IGSF22: variants seen among roughly 807,000 people sequenced by gnomAD.
IGSF22 encodes immunoglobulin superfamily member 22.
In IGSF22, 119 loss-of-function variants were observed where a neutral mutation model predicts 127.0. The ratio of observed to expected loss-of-function variants is 0.94; its 90% CI spans 0.81 to 1.09. The LOEUF is 1.09. Ranked by LOEUF, IGSF22 falls within the 50% of genes least tolerant of loss-of-function variation. The pLI is 0.00. For missense variants in IGSF22, 1,518 were observed against 1,716.6 expected, an observed-to-expected ratio of 0.88 and a Z score of 2.04; for synonymous variants, 568 against 664.7, an observed-to-expected ratio of 0.85 and a Z score of 2.24.
Position 18,709,253 on chromosome 11 carries a change from C to T in IGSF22, c.2998+134G>A, listed in dbSNP as rs1848304882. The T allele has an allele frequency of 2.2e-6, 2 of 913,622 alleles. No homozygotes were observed. Among genetic ancestry groups the T allele is most frequent in the Admixed American group, 5.2e-5 (2 of 38,554 alleles). 56.6% of individuals were successfully genotyped at this position (913,622 alleles called of 1,614,324 possible). A position where few individuals can be genotyped will look rare whatever the true frequency, so the allele number is the denominator to read the frequency against. On this transcript the variant is annotated intron_variant, in intron 18 of 22. Coordinates refer to ENST00000513874, the MANE Select transcript of IGSF22 (RefSeq NM_173588.4). The surrounding 1 kb of genome is among the most constrained non-coding windows in gnomAD (Gnocchi z 4.8). ...CCCCTGAAGTTACCCCTAACTTTGT[C>T]CAGGCACAACAACTATGGATGACTT...
In IGSF22 at chr11:18,706,717, C is replaced by T. The variant is rs947910973; in HGVS notation, c.3580+197G>A. 8 of 523,946 alleles carry T rather than the reference C, an allele frequency of 1.5e-5. No individual in the cohort carries two copies. In the South Asian group the frequency reaches 2.0e-4, roughly 13 times the overall value. 32.5% of individuals were successfully genotyped at this position (523,946 alleles called of 1,614,324 possible). A position where few individuals can be genotyped will look rare whatever the true frequency, so the allele number is the denominator to read the frequency against. ...CTCTGCCCCCAAAGGTACCTCCCCA[C>T]CTCCACTTTAGTCTCACCCCTAAGT... On this transcript the variant is annotated intron_variant, in intron 21 of 22. Transcript: ENST00000513874.
rs1848477364 is a variant in IGSF22, at chr11:18,717,087, C to T, written c.974-87G>A. ...AAGAGGGCACTCACATGTCACTGGC[C>T]TCCTGTAGCCCATGGCTGGGGGAAA... On this transcript the variant is annotated intron_variant, in intron 9 of 22. Coordinates refer to ENST00000513874, the MANE Select transcript of IGSF22 (RefSeq NM_173588.4). 2.1e-6 allele frequency: 3 copies of T among 1,442,396 alleles called. 1 individual carries two copies. The Admixed American group carries it at 5.9e-5, about 29-fold the overall frequency. 89.3% of individuals were successfully genotyped at this position (1,442,396 alleles called of 1,614,324 possible).
intron 15 of IGSF22, 127 bp downstream of exon 15, chr11:18,711,955 G>T (rs1198129785): frequency 1.3e-6 from 1 of 793,722 alleles, no homozygotes; most frequent in Non-Finnish European, 2.0e-6. Context: ...TCTGGAATCG[G>T]TCTGTCTCAT....
intron 15 of IGSF22, among the ~76,000 whole-genome samples, chr11:18,711,572 A>G (rs1489551907): frequency 2.0e-5 from 3 of 151,902 alleles, no homozygotes; most frequent in African/African-American, 7.3e-5. Flanking sequence ...TAATTTTTGT[A>G]TTTTTAGTAG....
chr11:18,718,685 A>T lies in IGSF22; in HGVS notation c.740T>A (p.Val247Asp). The change falls in exon 8 of 23, where the codon GTT (valine) becomes GAT (aspartate). Residue 247 changes from valine (V) to aspartate (D), a missense_variant. Val to Asp is a radical substitution (Grantham distance 152). Transcript: ENST00000513874. ...GCAGTCAAAGACCACTGTGGTGTCA[A>T]CCTTGGTCTCTTTGTCTTCCAGGGG... is the stretch of plus-strand genomic sequence containing the variant. Reference protein sequence around the residue: ...LKPLEDKETKVDTTVVFDCIM... With the variant: ...LKPLEDKETKDDTTVVFDCIM... 1 of 1,613,604 alleles carries T rather than the reference A, an allele frequency of 6.2e-7. No homozygotes were observed. The highest frequency in any genetic ancestry group is 8.5e-7 in the Non-Finnish European group (1 of 1,179,552).
In IGSF22 at chr11:18,709,486, C is replaced by T. The variant is rs199889685; in HGVS notation, c.2899G>A (p.Glu967Lys). The stretch of plus-strand genomic sequence containing the variant: ...ATTCGGAAGAAGTATTTCTGCCTCT[C>T]GATGAGTCCTCCCACTGTGTAGCAG... ...GTCYTVGGLI[E>K]RQKYFFRIRA... is the part of the protein sequence containing the mutation. Residue 967 changes from glutamate to lysine, a missense_variant, in exon 18 of 23, where the codon GAG (glutamate) becomes AAG (lysine). Coordinates refer to ENST00000513874, the MANE Select transcript of IGSF22 (RefSeq NM_173588.4). The surrounding 1 kb of genome is among the most constrained non-coding windows in gnomAD (Gnocchi z 4.8). The T allele has an allele frequency of 9.2e-5, 148 of 1,614,210 alleles. 1 individual carries two copies. The Middle Eastern group carries it at 4.5e-3, about 49-fold the overall frequency.
rs1351937843 is a variant in IGSF22, at chr11:18,716,924, G to A, written c.1050C>T (p.Arg350=). 1.9e-6 allele frequency: 3 copies of A among 1,614,030 alleles called. No homozygotes were observed. The African/African-American group carries it at 4.0e-5, about 22-fold the overall frequency. Reference sequence around the variant, plus strand: ...CAAAGTTGGGCTCTTTCTTGGAGAGGCGGATCTCAAACACAGCTGTCTGGC... The same window carrying A: ...CAAAGTTGGGCTCTTTCTTGGAGAGACGGATCTCAAACACAGCTGTCTGGC... ...TERQTAVFEI[R]LSKKEPNFVW... The change falls in exon 10 of 23, where the codon CGC becomes CGT. Residue 350 remains arginine (R), a synonymous_variant. Transcript: ENST00000513874. The surrounding 1 kb of genome is among the most constrained non-coding windows in gnomAD (Gnocchi z 4.5).
chr11:18,704,480 C>G lies in IGSF22; in HGVS notation c.3969G>C (p.Lys1323Asn), dbSNP rs1848183402. 5.2e-6 allele frequency: 8 copies of G among 1,550,292 alleles called. No homozygotes were observed. Among genetic ancestry groups the G allele is most frequent in the Non-Finnish European group, 6.1e-6 (7 of 1,146,052 alleles). Residue 1323 changes from lysine to asparagine, a missense_variant, in exon 23 of 23, where the codon AAG (lysine) becomes AAC (asparagine). This residue lies in a region of IGSF22 where 58 missense variants were observed against 53.0 expected (regional missense o/e 1.10). Coordinates refer to ENST00000513874, the MANE Select transcript of IGSF22 (RefSeq NM_173588.4). ...GCTTGGCTGGAGCTCACATGAGGTG[C>G]TTTGATTTCTTCTGCAGACTCTCGG... ...SITESLQKKS[K>N]HLM
chr11:18,719,673 C>T (rs1217636655), intron 7 of IGSF22, 43 bp downstream of exon 7: 2 of 1,593,904 alleles, frequency 1.3e-6, no homozygotes, highest in Non-Finnish European at 1.7e-6. Flanking sequence ...GGGTGAAGCC[C>T]TGCCCCTAGC....
At chr11:18,711,977 A>G (rs1332207787) in intron 15 of IGSF22, 105 bp downstream of exon 15, 7 of 953,004 alleles carry the variant, frequency 7.3e-6, no homozygotes, top group East Asian at 5.3e-5. Context: ...AGACAGCCAG[A>G]GAGATGTTCC....
intron 22 of IGSF22, chr11:18,705,385 T>C (rs967009103): frequency 1.1e-5 from 2 of 176,020 alleles, no homozygotes; most frequent in Admixed American, 5.6e-5. Context: ...GCTCCTTCCC[T>C]TGTTTGTGCC....
intron 1 of IGSF22, among the ~76,000 whole-genome samples, chr11:18,725,028 A>G (rs1382738362): frequency 6.6e-6 from 1 of 151,962 alleles, no homozygotes; most frequent in Admixed American, 6.6e-5. Context: ...TTAAAAAAGC[A>G]CATAAGGTAG....
Position 18,706,077 on chromosome 11 carries a change from GT to G in IGSF22, c.3649del (p.Thr1217ArgfsTer16). The G allele has an allele frequency of 6.5e-7, 1 of 1,550,000 alleles. No individual in the cohort carries two copies. Among genetic ancestry groups the G allele is most frequent in the Non-Finnish European group, 8.7e-7 (1 of 1,146,906 alleles). On this transcript the variant is annotated frameshift_variant, in exon 22 of 23. Coordinates refer to ENST00000513874, the MANE Select transcript of IGSF22 (RefSeq NM_173588.4). LOFTEE classifies it high-confidence loss of function. ...KDWRHAPRFV[T>X]PLKPHTVLRG... ...GAGCACCGTGTGTGGCTTGAGGGGCGTCACGAAGCGCGGCGCGTGGCGCCAG... is the reference window on the plus strand; with the variant it reads ...GAGCACCGTGTGTGGCTTGAGGGGCGCACGAAGCGCGGCGCGTGGCGCCAG...
rs138780526 is a variant in IGSF22, at chr11:18,716,925, C to T, written c.1049G>A (p.Arg350His). ...TERQTAVFEI[R>H]LSKKEPNFVW... ...AAAGTTGGGCTCTTTCTTGGAGAGG[C>T]GGATCTCAAACACAGCTGTCTGGCG... The change falls in exon 10 of 23, where the codon CGC becomes CAC. Residue 350 changes from arginine to histidine, a missense_variant. Arg to His is a conservative substitution (Grantham distance 29). This residue lies in a region of IGSF22 where 1,456 missense variants were observed against 1,644.9 expected (regional missense o/e 0.89). Coordinates refer to ENST00000513874, the MANE Select transcript of IGSF22 (RefSeq NM_173588.4). This position sits in a 1 kb window ranked among gnomAD's most constrained non-coding sequence, Gnocchi z 4.5. The T allele has an allele frequency of 5.0e-6, 8 of 1,614,074 alleles. No homozygotes were observed. The highest frequency in any genetic ancestry group is 3.3e-5 in the Admixed American group (2 of 60,006).
At chr11:18,708,170 G>T in intron 19 of IGSF22, 37 bp downstream of exon 19, 1 of 1,533,032 alleles carries the variant, frequency 6.5e-7, no homozygotes, top group Non-Finnish European at 8.8e-7. Flanking sequence ...TTGGTTATGT[G>T]GACAGTGTAT....
At position 18,714,106 on chromosome 11, in the gene IGSF22, G is replaced by C. The variant is rs564606497; in HGVS notation, c.1841C>G (p.Ala614Gly). 1.9e-6 allele frequency: 3 copies of C among 1,614,156 alleles called. No individual in the cohort carries two copies. The South Asian group carries it at 3.3e-5, about 18-fold the overall frequency. ...IDPSVLEALA[A>G]HAITVKVGHT... Reference sequence around the variant, plus strand: ...GCCTACCTTCACAGTGATGGCGTGCGCAGCCAGTGCCTCCAGTACTGACGG... The same window carrying C: ...GCCTACCTTCACAGTGATGGCGTGCCCAGCCAGTGCCTCCAGTACTGACGG... Residue 614 changes from alanine (A) to glycine (G), a missense_variant, in exon 14 of 23, where the codon GCG becomes GGG. Physicochemically the swap from Ala to Gly is moderately conservative, Grantham distance 60. Coordinates refer to ENST00000513874, the MANE Select transcript of IGSF22 (RefSeq NM_173588.4).
intron 14 of IGSF22, among the ~76,000 whole-genome samples, chr11:18,712,993 C>A (rs542478603): frequency 1.6e-4 from 25 of 152,208 alleles, no homozygotes; most frequent in African/African-American, 5.5e-4. Flanking sequence ...AGACAAATCC[C>A]AAATCCCATT....
chr11:18,716,856 T>C lies in IGSF22; in HGVS notation c.1118A>G (p.Tyr373Cys). ...NGKELKRDDKYEITVSEDGLT... is the reference protein window; with the variant it reads ...NGKELKRDDKCEITVSEDGLT... ...ACCATCTTCGGACACCGTGATTTCA[T>C]ACTTGTCATCCCTCTTCAGCTCCTT... The change falls in exon 10 of 23, where the codon TAT (tyrosine) becomes TGT (cysteine). Residue 373 changes from tyrosine to cysteine, a missense_variant. Transcript: ENST00000513874. The surrounding 1 kb of genome is among the most constrained non-coding windows in gnomAD (Gnocchi z 4.5). The C allele has an allele frequency of 6.2e-7, 1 of 1,614,236 alleles. No homozygotes were observed. The highest frequency in any genetic ancestry group is 8.5e-7 in the Non-Finnish European group (1 of 1,180,038).
In IGSF22 at chr11:18,707,796, C is replaced by G; in HGVS notation, c.3280+8G>C. On this transcript the variant is annotated splice_region_variant and intron_variant, in intron 20 of 22. Coordinates refer to ENST00000513874, the MANE Select transcript of IGSF22 (RefSeq NM_173588.4). The stretch of plus-strand genomic sequence containing the variant: ...TGGGTCTTGGAGGCCTCTGCCTTCT[C>G]TCCATACCTGCCACGCGCACATGGA... The G allele has an allele frequency of 5.1e-6, 8 of 1,566,576 alleles. No individual in the cohort carries two copies. Among genetic ancestry groups the G allele is most frequent in the Non-Finnish European group, 6.9e-6 (8 of 1,155,026 alleles).
Sources: gnomAD v4.1 joint callset for allele counts (sites outside exome capture counted in the v4.1 genomes callset) on GRCh38, gnomAD v4.1.1 for gene constraint, gnomAD v4.1.1 regional missense constraint, Gnocchi (gnomAD v3.1) non-coding constraint, MANE v1.5 for transcripts, NCBI Gene and HGNC (gene_info 2026-07-23, HGNC 2026-07-21) for gene names.